MAMDC2: variants seen among roughly 807,000 people sequenced by gnomAD.
MAMDC2 encodes MAM domain-containing protein 2.
MAMDC2 carries 57 observed loss-of-function variants against 89.8 expected under a neutral mutation model. The ratio of observed to expected loss-of-function variants is 0.63; its 90% CI spans 0.51 to 0.79. The LOEUF is 0.79. Among genes scored for constraint, MAMDC2 ranks in the 30% least tolerant of loss-of-function variants. MAMDC2 has a pLI of 0.00. For synonymous variants in MAMDC2, 313 were observed against 293.4 expected (o/e 1.07, Z -0.68); for missense variants, 800 against 820.6 (o/e 0.97, Z 0.31).
rs1281606000 is a variant in MAMDC2 at position 70,146,952 on chromosome 9, A to G, written c.1404+3133A>G. Among the ~76,000 whole-genome samples, 3 of 138,650 alleles carry G rather than the reference A, an allele frequency of 2.2e-5. No homozygotes were observed. The South Asian group carries it at 7.1e-4, about 33-fold the overall frequency. The allele number at this position is 138,650 out of a possible 152,430, so 91.0% of individuals were successfully genotyped here. On this transcript the variant is annotated intron_variant, in intron 9 of 13. Coordinates refer to ENST00000377182, the MANE Select transcript of MAMDC2 (RefSeq NM_153267.5). ...TCCATCTAAAAATAAATAAATAAACATCAAGACTAACTGCCTCATTTGGTT... is the reference window on the plus strand; with the variant it reads ...TCCATCTAAAAATAAATAAATAAACGTCAAGACTAACTGCCTCATTTGGTT...
intron 2 of MAMDC2, among the ~76,000 whole-genome samples, chr9:70,082,325 C>T (rs939973264): frequency 2.0e-5 from 3 of 151,948 alleles, no homozygotes; most frequent in African/African-American, 4.8e-5. Flanking sequence ...GGGTAACAGC[C>T]CTTATGTAAG....
At position 70,071,181 on chromosome 9, in the gene MAMDC2, G is replaced by A. The variant is rs549144310; in HGVS notation, c.148+26484G>A. On this transcript the variant is annotated intron_variant, in intron 2 of 13. Coordinates refer to ENST00000377182, the MANE Select transcript of MAMDC2 (RefSeq NM_153267.5). The stretch of plus-strand genomic sequence containing the variant: ...GTTAATAGTGTGTGCTTTACCATAT[G>A]TTTTAAGTATCTATTCCTTGTAAGG... Among the ~76,000 whole-genome samples, 27 of 152,202 alleles carry A rather than the reference G, an allele frequency of 1.8e-4. 1 individual carries two copies. The highest frequency in any genetic ancestry group is 2.0e-4 in the Admixed American group (3 of 15,286).
intron 11 of MAMDC2, among the ~76,000 whole-genome samples, chr9:70,175,195 A>G (rs2032458723): frequency 6.6e-6 from 1 of 152,228 alleles, no homozygotes; most frequent in African/African-American, 2.4e-5. Context: ...GTTAGAGGCT[A>G]CTGCACATAA....
chr9:70,044,505 G>T (rs1163321765), intron 1 of MAMDC2, 79 bp from the exon 2 acceptor site: 2 of 1,146,008 alleles, frequency 1.7e-6, no homozygotes, highest in East Asian at 2.6e-5. Context: ...CTTTCACCAG[G>T]TAGTCCCCCT....
At chr9:70,158,908 GA>G (rs1468951994) in intron 9 of MAMDC2, among the ~76,000 whole-genome samples, 1 of 152,058 alleles carries the variant, frequency 6.6e-6, no homozygotes, top group Non-Finnish European at 1.5e-5. Context: ...TATCTAAAGA[GA>G]CAGAAGTACA....
chr9:70,067,328 A>T (rs1366299270), intron 2 of MAMDC2, among the ~76,000 whole-genome samples: 2 of 152,082 alleles, frequency 1.3e-5, no homozygotes, highest in African/African-American at 4.8e-5. Context: ...CTGAAGAGGG[A>T]TCTGCAGCAC....
At chr9:70,093,560 G>A (rs1827956708) in intron 2 of MAMDC2, among the ~76,000 whole-genome samples, 1 of 151,450 alleles carries the variant, frequency 6.6e-6, no homozygotes, top group African/African-American at 2.4e-5. Flanking sequence ...CAAGTAGCTG[G>A]GATTACAGGC....
intron 2 of MAMDC2, among the ~76,000 whole-genome samples, chr9:70,056,691 C>T (rs573081550): frequency 6.6e-6 from 1 of 152,264 alleles, no homozygotes; most frequent in South Asian, 2.1e-4. Flanking sequence ...CCCCAGGCCA[C>T]AGATCGGTAC....
intron 11 of MAMDC2, among the ~76,000 whole-genome samples, chr9:70,197,950 T>A (rs148529086): frequency 6.6e-6 from 1 of 152,090 alleles, no homozygotes; most frequent in Admixed American, 6.6e-5. Context: ...ATGCATTTTA[T>A]TATCTCACGT....
intron 11 of MAMDC2, among the ~76,000 whole-genome samples, chr9:70,189,714 G>GT (rs1358351252): frequency 2.6e-5 from 4 of 151,896 alleles, no homozygotes; most frequent in Non-Finnish European, 5.9e-5. Flanking sequence ...CTTCCACTAT[G>GT]CATATGTTGG....
chr9:70,160,037 C>A (rs1026634095), intron 9 of MAMDC2, among the ~76,000 whole-genome samples: 1 of 152,082 alleles, frequency 6.6e-6, no homozygotes, highest in Non-Finnish European at 1.5e-5. Flanking sequence ...CATGGTAAGA[C>A]CCTGTCTCTA....
At chr9:70,066,207 C>T (rs1427670351) in intron 2 of MAMDC2, among the ~76,000 whole-genome samples, 2 of 152,068 alleles carry the variant, frequency 1.3e-5, no homozygotes, top group South Asian at 4.2e-4. Flanking sequence ...GCCAGACATG[C>T]GACTCTCCAG....
At chr9:70,059,333 A>G (rs914993657) in intron 2 of MAMDC2, among the ~76,000 whole-genome samples, 1 of 152,162 alleles carries the variant, frequency 6.6e-6, no homozygotes, top group Admixed American at 6.5e-5. Context: ...TGACGAAGGT[A>G]CCCCTTACAA....
rs374804543 is a variant in MAMDC2, at chr9:70,176,824, T to C, written c.1651+6193T>C. 1.9e-4 allele frequency among the ~76,000 whole-genome samples: 29 copies of C among 152,344 alleles called. 2 individuals carry two copies. The highest frequency in any genetic ancestry group is 6.7e-4 in the African/African-American group (28 of 41,582). On this transcript the variant is annotated intron_variant, in intron 11 of 13. Transcript: ENST00000377182. The stretch of plus-strand genomic sequence containing the variant: ...GTTCTTGTTCTTGAAATTACTTTAA[T>C]AACTAATTTTCTAGGGAAATATAAT...
chr9:70,054,880 T>C (rs1399628902), intron 2 of MAMDC2, among the ~76,000 whole-genome samples: 1 of 152,100 alleles, frequency 6.6e-6, no homozygotes, highest in African/African-American at 2.4e-5. Flanking sequence ...GGGCTGAATC[T>C]GTGGTAATTA....
At chr9:70,180,774 T>C (rs1448260619) in intron 11 of MAMDC2, among the ~76,000 whole-genome samples, 1 of 152,172 alleles carries the variant, frequency 6.6e-6, no homozygotes, top group African/African-American at 2.4e-5. Flanking sequence ...TTTGTCAGAT[T>C]GATAGATTGC....
Position 70,225,806 on chromosome 9 carries a change from T to C in MAMDC2, c.1968T>C (p.Asp656=). Residue 656 remains aspartate (D), a synonymous_variant, in exon 13 of 14, where the codon GAT becomes GAC. Transcript: ENST00000377182. ...TAAGAAGTGATATTGCCATTGATGA[T>C]GTTAAATTTCAGGCAGGACCCTGTG... ...VSIRSDIAID[D]VKFQAGPCGE... 1.2e-6 allele frequency: 2 copies of C among 1,611,348 alleles called. No individual in the cohort carries two copies. The highest frequency in any genetic ancestry group is 2.2e-5 in the East Asian group (1 of 44,818).
At chr9:70,090,592 G>A (rs1389976960) in intron 2 of MAMDC2, 3 of 151,526 alleles carry the variant, frequency 2.0e-5, no homozygotes, top group East Asian at 1.9e-4. Flanking sequence ...ATATCAAAAA[G>A]TTTAGTAACA....
chr9:70,124,025 G>T (rs1167921208), intron 5 of MAMDC2, among the ~76,000 whole-genome samples: 2 of 152,168 alleles, frequency 1.3e-5, no homozygotes, highest in East Asian at 3.9e-4. Context: ...CCTTAAAAAT[G>T]GATAGATTTG....
Sources: gnomAD v4.1 joint callset for allele counts (sites outside exome capture counted in the v4.1 genomes callset) on GRCh38, gnomAD v4.1.1 for gene constraint, MANE v1.5 for transcripts, NCBI Gene and HGNC (gene_info 2026-07-23, HGNC 2026-07-21) for gene names.